ST6GALNAC3: variants seen among roughly 807,000 people sequenced by gnomAD.
ST6GALNAC3 encodes the protein alpha-N-acetylgalactosaminide alpha-2,6-sialyltransferase 3.
Under a neutral mutation model 32.7 loss-of-function variants are expected in ST6GALNAC3, and 25 were observed. The ratio of observed to expected loss-of-function variants is 0.76; its 90% CI spans 0.56 to 1.07. ST6GALNAC3 has a LOEUF of 1.07. Ranked by LOEUF, ST6GALNAC3 falls within the 50% of genes least tolerant of loss-of-function variation. The pLI is 0.00. For synonymous variants in ST6GALNAC3, 129 were observed against 133.1 expected (o/e 0.97, Z 0.21); for missense variants, 355 against 382.4 (o/e 0.93, Z 0.60).
intron 3 of ST6GALNAC3, among the ~76,000 whole-genome samples, chr1:76,466,437 A>C (rs1465553343): frequency 6.6e-6 from 1 of 152,110 alleles, no homozygotes; most frequent in East Asian, 1.9e-4. Context: ...ATAGATTAAA[A>C]ACCATGAGCA....
intron 2 of ST6GALNAC3, among the ~76,000 whole-genome samples, chr1:76,400,525 A>T (rs1192137628): frequency 1.3e-5 from 2 of 152,190 alleles, no homozygotes; most frequent in Admixed American, 6.6e-5. Flanking sequence ...TCAGGAAAAT[A>T]ACAATGATTT....
chr1:76,467,998 C>T (rs1016638727), intron 3 of ST6GALNAC3, among the ~76,000 whole-genome samples: 1 of 151,744 alleles, frequency 6.6e-6, no homozygotes, highest in Non-Finnish European at 1.5e-5. Flanking sequence ...TATATGAAAG[C>T]TCTTCTTTAC....
chr1:76,611,543 C>A (rs1195129028), intron 3 of ST6GALNAC3, among the ~76,000 whole-genome samples: 2 of 152,126 alleles, frequency 1.3e-5, no homozygotes, highest in Non-Finnish European at 2.9e-5. Context: ...CTTCTCCATA[C>A]CCCTCTCCTC....
chr1:76,511,314 C>T (rs1033351865), intron 3 of ST6GALNAC3, among the ~76,000 whole-genome samples: 3 of 152,182 alleles, frequency 2.0e-5, no homozygotes, highest in Non-Finnish European at 4.4e-5. Flanking sequence ...TCACCTCCAC[C>T]TTCTCTTTTC....
At chr1:76,189,210 A>G (rs1163037782) in intron 1 of ST6GALNAC3, among the ~76,000 whole-genome samples, 5 of 152,198 alleles carry the variant, frequency 3.3e-5, no homozygotes, top group East Asian at 3.8e-4. Flanking sequence ...AAGGGTGCCT[A>G]TCTGCTGGGA....
intron 2 of ST6GALNAC3, among the ~76,000 whole-genome samples, chr1:76,323,250 A>C (rs752584068): frequency 2.0e-5 from 3 of 152,358 alleles, no homozygotes; most frequent in East Asian, 3.9e-4. Flanking sequence ...AAAATAAAAT[A>C]TCTCTGAAAA....
chr1:76,180,175 T>C (rs1366106202), intron 1 of ST6GALNAC3, among the ~76,000 whole-genome samples: 6 of 152,248 alleles, frequency 3.9e-5, no homozygotes, highest in Non-Finnish European at 5.9e-5. Flanking sequence ...GTTCAGAAAG[T>C]ATTTCTTAAA....
chr1:76,405,102 C>G (rs750214772), intron 2 of ST6GALNAC3, among the ~76,000 whole-genome samples: 6 of 152,022 alleles, frequency 3.9e-5, no homozygotes, highest in Admixed American at 2.6e-4. Flanking sequence ...TTTCTACTTG[C>G]TTTGAAGGTA....
chr1:76,414,829 T>G (rs1335695101), intron 3 of ST6GALNAC3, among the ~76,000 whole-genome samples: 1 of 152,118 alleles, frequency 6.6e-6, no homozygotes, highest in Non-Finnish European at 1.5e-5. Flanking sequence ...ACCATTGCCC[T>G]ACATAAAAAT....
intron 3 of ST6GALNAC3, among the ~76,000 whole-genome samples, chr1:76,480,234 A>G (rs895829222): frequency 6.6e-6 from 1 of 152,242 alleles, no homozygotes; most frequent in Non-Finnish European, 1.5e-5. Flanking sequence ...AGTTATCACT[A>G]TCAATAATCA....
At chr1:76,574,082 T>C (rs1646758687) in intron 3 of ST6GALNAC3, among the ~76,000 whole-genome samples, 1 of 152,088 alleles carries the variant, frequency 6.6e-6, no homozygotes, top group Admixed American at 6.6e-5. Flanking sequence ...AGTTATAATC[T>C]ATGGAAAATG....
Position 76,596,179 on chromosome 1 carries a change from G to A in ST6GALNAC3, c.624-31273G>A, listed in dbSNP as rs138965254. On this transcript the variant is annotated intron_variant, in intron 3 of 4. Transcript: ENST00000328299. The stretch of plus-strand genomic sequence containing the variant: ...CTGGAAGACTGCTAGAAAACTCTTC[G>A]ACCTCCTGCTTTAGCTTTGTTTCCC... 5.4e-4 allele frequency among the ~76,000 whole-genome samples: 82 copies of A among 152,186 alleles called. 1 individual carries two copies. In the East Asian group the frequency reaches 0.015, roughly 29 times the overall value.
chr1:76,158,887 G>C (rs1288351501), intron 1 of ST6GALNAC3, among the ~76,000 whole-genome samples: 1 of 152,154 alleles, frequency 6.6e-6, no homozygotes, highest in African/African-American at 2.4e-5. Context: ...TTTTATGGAT[G>C]AGCAAATGGC....
At chr1:76,237,043 G>C (rs1656695032) in intron 1 of ST6GALNAC3, among the ~76,000 whole-genome samples, 1 of 152,150 alleles carries the variant, frequency 6.6e-6, no homozygotes, top group African/African-American at 2.4e-5. Flanking sequence ...TGTGCTAAGG[G>C]GATAGGCCAC....
chr1:76,319,867 G>A (rs1016669045), intron 2 of ST6GALNAC3, among the ~76,000 whole-genome samples: 1 of 152,128 alleles, frequency 6.6e-6, no homozygotes, highest in Non-Finnish European at 1.5e-5. Flanking sequence ...CTACCAGCAT[G>A]TCTGTACCAT....
At chr1:76,326,826 GTTT>G (rs11331532) in intron 2 of ST6GALNAC3, among the ~76,000 whole-genome samples, 1 of 113,408 alleles carries the variant, frequency 8.8e-6, no homozygotes, top group Non-Finnish European at 1.7e-5. Context: ...GAAGTTTTGG[GTTT>G]TTTTTTTTTT....
chr1:76,221,394 A>C (rs1026098744), intron 1 of ST6GALNAC3, among the ~76,000 whole-genome samples: 1 of 152,156 alleles, frequency 6.6e-6, no homozygotes, highest in Admixed American at 6.6e-5. Flanking sequence ...AATAACCTAT[A>C]ATGAAGCTGT....
At chr1:76,305,929 G>T in intron 1 of ST6GALNAC3, 1 of 518,084 alleles carries the variant, frequency 1.9e-6, no homozygotes, top group Non-Finnish European at 3.9e-6. Flanking sequence ...CTGTGTTCTA[G>T]TGTGTGAATT....
At chr1:76,254,270 G>A (rs893825378) in intron 1 of ST6GALNAC3, among the ~76,000 whole-genome samples, 2 of 152,070 alleles carry the variant, frequency 1.3e-5, no homozygotes, top group African/African-American at 2.4e-5. Flanking sequence ...CTCTGAGAAG[G>A]AAACGAGTGT....
Sources: gnomAD v4.1 joint callset for allele counts (sites outside exome capture counted in the v4.1 genomes callset) on GRCh38, gnomAD v4.1.1 for gene constraint, MANE v1.5 for transcripts, NCBI Gene and HGNC (gene_info 2026-07-23, HGNC 2026-07-21) for gene names.